LPA: variants seen among roughly 807,000 people sequenced by gnomAD.
LPA encodes the protein apolipoprotein(a).
A neutral mutation model predicts 197.9 loss-of-function variants in LPA; 199 were observed. The ratio of observed to expected loss-of-function variants is 1.01; its 90% CI spans 0.90 to 1.13. LPA has a LOEUF of 1.13. Among genes scored for constraint, LPA ranks in the 50% most tolerant of loss-of-function variants. The pLI is 0.00. For synonymous variants in LPA, 715 were observed against 639.5 expected (o/e 1.12, Z -1.78); for missense variants, 1,853 against 1,785.8 (o/e 1.04, Z -0.68).
intron 30 of LPA, among the ~76,000 whole-genome samples, chr6:160,554,882 C>T (rs1005468920): frequency 6.6e-6 from 1 of 152,112 alleles, no homozygotes; most frequent in Non-Finnish European, 1.5e-5. Context: ...CTGTGGTTGG[C>T]TTTGGCTCCA....
At chr6:160,657,152 G>C (rs117162385) in intron 1 of LPA, among the ~76,000 whole-genome samples, 1 of 152,068 alleles carries the variant, frequency 6.6e-6, no homozygotes, top group African/African-American at 2.4e-5. Flanking sequence ...GAGCAATTAC[G>C]GGCTCTTCAA....
intron 21 of LPA, among the ~76,000 whole-genome samples, 197 bp downstream of exon 21, chr6:160,595,143 TCCTATAGATACCAC>T (rs1464373610): frequency 6.6e-6 from 1 of 152,108 alleles, no homozygotes. Context: ...TCTGCACCCT[TCCTATAGATACCAC>T]CCTTTCACAG....
chr6:160,559,531 G>A (rs1583578307), intron 28 of LPA, among the ~76,000 whole-genome samples: 1 of 152,264 alleles, frequency 6.6e-6, no homozygotes, highest in East Asian at 1.9e-4. Context: ...AAAGATTCAG[G>A]AATAGAATTG....
intron 22 of LPA, among the ~76,000 whole-genome samples, 189 bp from the exon 23 acceptor site, chr6:160,591,290 A>G (rs41272064): frequency 3.3e-5 from 5 of 152,204 alleles, no homozygotes; most frequent in Non-Finnish European, 5.9e-5. Context: ...ACAGATTATC[A>G]TTCTTATTGT....
At chr6:160,610,716 T>G (rs1168307872) in intron 16 of LPA, among the ~76,000 whole-genome samples, 1 of 152,078 alleles carries the variant, frequency 6.6e-6, no homozygotes, top group Non-Finnish European at 1.5e-5. Flanking sequence ...CTCCAATCCC[T>G]CTCCTCTGCT....
At chr6:160,576,231 G>A (rs1038528592) in intron 28 of LPA, among the ~76,000 whole-genome samples, 10 of 149,922 alleles carry the variant, frequency 6.7e-5, no homozygotes, top group Admixed American at 2.0e-4. Context: ...ACTCTCATCC[G>A]CCTTCCTGCT....
rs1412291580 is a variant in LPA at position 160,584,264 on chromosome 6, CTCTTCCTCTTCTTCTTCTTCTTCT to C, written c.4289+758_4289+781del. The stretch of plus-strand genomic sequence containing the variant: ...CCTCCTCCTCCTCCTCCTCCTCTTC[CTCTTCCTCTTCTTCTTCTTCTTCT>C]TCTTCCTCTTCTTCTTCTTCCTCTT... On this transcript the variant is annotated intron_variant, in intron 26 of 38. Coordinates refer to ENST00000316300, the MANE Select transcript of LPA (RefSeq NM_005577.4). 2.9e-5 allele frequency among the ~76,000 whole-genome samples: 3 copies of C among 103,488 alleles called. No individual in the cohort carries two copies. In the East Asian group the frequency reaches 8.4e-4, roughly 29 times the overall value. 67.9% of individuals were successfully genotyped at this position (103,488 alleles called of 152,430 possible).
intron 34 of LPA, 115 bp downstream of exon 34, chr6:160,542,572 GA>G: frequency 6.7e-7 from 1 of 1,481,800 alleles, no homozygotes; most frequent in South Asian, 1.3e-5. Context: ...TCCTCCTTCA[GA>G]AAACAGAGAG....
chr6:160,658,891 T>TGAGAGA (rs4063599), intron 1 of LPA, among the ~76,000 whole-genome samples: 5 of 148,932 alleles, frequency 3.4e-5, no homozygotes, highest in East Asian at 2.0e-4. Flanking sequence ...TATATATATA[T>TGAGAGA]GAGAGAGAGA....
chr6:160,576,638 A>G (rs1778685235), intron 28 of LPA, among the ~76,000 whole-genome samples: 1 of 145,348 alleles, frequency 6.9e-6, no homozygotes, highest in Non-Finnish European at 1.5e-5. Flanking sequence ...AAGTATATAA[A>G]TATTCAGACA....
At chr6:160,651,261 A>G (rs1274185565) in intron 1 of LPA, among the ~76,000 whole-genome samples, 1 of 152,226 alleles carries the variant, frequency 6.6e-6, no homozygotes, top group Admixed American at 6.5e-5. Flanking sequence ...TTGAGCATTC[A>G]TTAAGAAGAA....
Position 160,591,679 on chromosome 6 carries a change from G to A in LPA, c.3630-578C>T, listed in dbSNP as rs1583602894. On this transcript the variant is annotated intron_variant, in intron 22 of 38. Coordinates refer to ENST00000316300, the MANE Select transcript of LPA (RefSeq NM_005577.4). ...GCTCCTCTCCCCTGTTACTTCAAATGGTGATGGTTGTACTCCCTCCTTGGT... is the reference window on the plus strand; with the variant it reads ...GCTCCTCTCCCCTGTTACTTCAAATAGTGATGGTTGTACTCCCTCCTTGGT... Among the ~76,000 whole-genome samples the A allele has an allele frequency of 3.9e-5, 6 of 152,290 alleles. 1 individual carries two copies. The highest frequency in any genetic ancestry group is 3.9e-4 in the Admixed American group (6 of 15,286).
intron 37 of LPA, among the ~76,000 whole-genome samples, chr6:160,536,164 A>G (rs1583563500): frequency 1.3e-5 from 2 of 152,136 alleles, no homozygotes; most frequent in Admixed American, 6.5e-5. Context: ...CTTTCCCGGT[A>G]CAGCCACAGC....
At chr6:160,661,090 G>A (rs1780217891) in intron 1 of LPA, among the ~76,000 whole-genome samples, 1 of 152,256 alleles carries the variant, frequency 6.6e-6, no homozygotes, top group South Asian at 2.1e-4. Context: ...GGCTCCTTAG[G>A]ACACCTGGCT....
intron 19 of LPA, among the ~76,000 whole-genome samples, chr6:160,600,710 C>T (rs1779221116): frequency 6.6e-6 from 1 of 152,112 alleles, no homozygotes; most frequent in African/African-American, 2.4e-5. Flanking sequence ...GGTTTCCGCC[C>T]ATCCTAAAGA....
chr6:160,606,740 CA>C (rs1411971949), intron 16 of LPA, 82 bp from the exon 17 acceptor site: 2 of 1,550,806 alleles, frequency 1.3e-6, no homozygotes, highest in African/African-American at 2.7e-5. Context: ...TGTGCTGCAA[CA>C]AGGTCATTAC....
intron 37 of LPA, 49 bp downstream of exon 37, chr6:160,537,806 A>C (rs1233433554): frequency 1.9e-5 from 29 of 1,524,420 alleles, no homozygotes; most frequent in Non-Finnish European, 2.5e-5. Flanking sequence ...TGTAACATGC[A>C]CTGAAGGTCA....
chr6:160,655,896 C>A (rs1322556907), intron 1 of LPA, among the ~76,000 whole-genome samples: 1 of 152,116 alleles, frequency 6.6e-6, no homozygotes, highest in African/African-American at 2.4e-5. Flanking sequence ...AGTTGATACA[C>A]CCCTGAGGTA....
At chr6:160,660,426 A>C (rs1780205458) in intron 1 of LPA, among the ~76,000 whole-genome samples, 1 of 152,116 alleles carries the variant, frequency 6.6e-6, no homozygotes, top group Admixed American at 6.6e-5. Context: ...CCTCCTGCTC[A>C]TATCTAGCTA....
Sources: allele counts gnomAD v4.1 joint callset (sites outside exome capture counted in the v4.1 genomes callset), GRCh38; gene constraint gnomAD v4.1.1; transcripts MANE v1.5; gene names NCBI Gene and HGNC (gene_info 2026-07-23, HGNC 2026-07-21).